The following NRXN3 variants were observed in gnomAD, a reference collection of about 807,000 sequenced individuals.
The protein encoded by NRXN3 is neurexin III.
A neutral mutation model predicts 137.6 loss-of-function variants in NRXN3; 32 were observed. That is an observed-to-expected ratio of 0.23 (90% CI 0.18 to 0.31). NRXN3 has a LOEUF of 0.31. Ranked by LOEUF, NRXN3 falls within the 10% of genes least tolerant of loss-of-function variation. The probability of loss-of-function intolerance (pLI) is 1.00; values close to 1 mark genes in which losing one functional copy is unlikely to be tolerated. For missense variants in NRXN3, 1,574 were observed against 2,062.5 expected (o/e 0.76, Z 4.59); for synonymous variants, 798 against 784.5 (o/e 1.02, Z -0.29).
chr14:78,656,953 A>G (rs2097789224), intron 6 of NRXN3, among the ~76,000 whole-genome samples: 1 of 146,114 alleles, frequency 6.8e-6, no homozygotes, highest in Non-Finnish European at 1.5e-5. Context: ...AGGCTGAGGC[A>G]GGAGAACGGT....
At position 79,148,355 on chromosome 14, in the gene NRXN3, G is replaced by A. The variant is rs114965249; in HGVS notation, c.3262+160214G>A. Among the ~76,000 whole-genome samples, 547 of 152,238 alleles carry A rather than the reference G, an allele frequency of 3.6e-3. 2 individuals are homozygous for A. Among genetic ancestry groups the A allele is most frequent in the African/African-American group, 0.013 (534 of 41,550 alleles). On this transcript the variant is annotated intron_variant, in intron 15 of 20. Coordinates refer to ENST00000335750, the MANE Select transcript of NRXN3 (RefSeq NM_001330195.2). The stretch of plus-strand genomic sequence containing the variant: ...AGAAGCTGAGACAGCTAGAGCAAAG[G>A]CCTGAGGTGGGAAAGAACTTAGCTT...
At chr14:79,356,266 G>T (rs946610544) in intron 15 of NRXN3, among the ~76,000 whole-genome samples, 1 of 152,134 alleles carries the variant, frequency 6.6e-6, no homozygotes, top group Non-Finnish European at 1.5e-5. Flanking sequence ...TTCTCTTGCT[G>T]TCTTTTGTTT....
intron 6 of NRXN3, among the ~76,000 whole-genome samples, chr14:78,660,612 T>A (rs2097831284): frequency 6.6e-6 from 1 of 152,094 alleles, no homozygotes; most frequent in Non-Finnish European, 1.5e-5. Flanking sequence ...CTTGCCACCA[T>A]AGTGACCAAA....
intron 15 of NRXN3, among the ~76,000 whole-genome samples, chr14:79,298,622 A>C (rs925250089): frequency 2.0e-5 from 3 of 152,096 alleles, no homozygotes; most frequent in African/African-American, 7.2e-5. Flanking sequence ...ACGTAATCTC[A>C]TCAGAGACTA....
chr14:78,912,386 G>A (rs1339404691), intron 10 of NRXN3, among the ~76,000 whole-genome samples: 1 of 151,382 alleles, frequency 6.6e-6, no homozygotes, highest in Non-Finnish European at 1.5e-5. Flanking sequence ...GTTAGAAAAA[G>A]CTATCCCAGT....
intron 4 of NRXN3, among the ~76,000 whole-genome samples, chr14:78,508,842 T>C (rs887951137): frequency 1.3e-5 from 2 of 152,224 alleles, no homozygotes; most frequent in African/African-American, 4.8e-5. Flanking sequence ...TTTATGTATG[T>C]ATATTTTACC....
chr14:78,402,239 G>T (rs575194830), intron 4 of NRXN3, among the ~76,000 whole-genome samples: 1 of 152,194 alleles, frequency 6.6e-6, no homozygotes, highest in Non-Finnish European at 1.5e-5. Flanking sequence ...CACATGCAAC[G>T]ACCTTTTCAC....
chr14:79,265,374 G>A (rs2078309878), intron 15 of NRXN3, among the ~76,000 whole-genome samples: 2 of 151,202 alleles, frequency 1.3e-5, no homozygotes. Context: ...GCCACATATA[G>A]TAACCACCAC....
At chr14:79,513,609 A>T (rs74070257) in intron 16 of NRXN3, among the ~76,000 whole-genome samples, 4,162 of 152,360 alleles carry the variant, frequency 0.027, 195 homozygotes, top group African/African-American at 0.095. Flanking sequence ...TTCTGTAGCT[A>T]TATGGGCTTG....
chr14:79,049,837 G>A (rs1162243507), intron 15 of NRXN3, among the ~76,000 whole-genome samples: 2 of 151,810 alleles, frequency 1.3e-5, no homozygotes, highest in African/African-American at 4.8e-5. Flanking sequence ...TGTATAAATT[G>A]TACCACAATT....
At chr14:79,041,940 G>T (rs1235537824) in intron 15 of NRXN3, among the ~76,000 whole-genome samples, 1 of 152,078 alleles carries the variant, frequency 6.6e-6, no homozygotes, top group Non-Finnish European at 1.5e-5. Flanking sequence ...AATGTTAGAA[G>T]AATAGTGAAC....
intron 4 of NRXN3, among the ~76,000 whole-genome samples, chr14:78,608,403 C>T (rs1423691558): frequency 1.3e-5 from 2 of 152,206 alleles, no homozygotes; most frequent in Non-Finnish European, 2.9e-5. Flanking sequence ...GCCCAAACAT[C>T]ACTGTGTATT....
At chr14:78,934,045 C>G (rs573261351) in intron 10 of NRXN3, among the ~76,000 whole-genome samples, 80 of 150,182 alleles carry the variant, frequency 5.3e-4, no homozygotes, top group Non-Finnish European at 9.6e-4. Context: ...TGTAATAATC[C>G]TTTTATGCTA....
chr14:79,836,404 C>A (rs1022784947), intron 20 of NRXN3, among the ~76,000 whole-genome samples: 2 of 152,048 alleles, frequency 1.3e-5, no homozygotes, highest in African/African-American at 4.8e-5. Context: ...AAACCAAGAG[C>A]AGGAAATGTT....
intron 17 of NRXN3, among the ~76,000 whole-genome samples, chr14:79,665,549 A>T (rs2098553578): frequency 6.6e-6 from 1 of 152,120 alleles, no homozygotes; most frequent in Non-Finnish European, 1.5e-5. Flanking sequence ...AGCTGTTCAT[A>T]GGCTCATAGA....
rs942530907 is a variant in NRXN3 at position 78,391,373 on chromosome 14, T to A, written c.757+93513T>A. 7.9e-5 allele frequency among the ~76,000 whole-genome samples: 12 copies of A among 152,244 alleles called. No homozygotes were observed. The East Asian group carries it at 2.1e-3, about 27-fold the overall frequency. Reference sequence around the variant, plus strand: ...ATCTAAAAGTTCCTTCATGACCTTTTTTGTGGCAGGTGTGGCTATGTGCTC... The same window carrying A: ...ATCTAAAAGTTCCTTCATGACCTTTATTGTGGCAGGTGTGGCTATGTGCTC... On this transcript the variant is annotated intron_variant, in intron 4 of 20. Coordinates refer to ENST00000335750, the MANE Select transcript of NRXN3 (RefSeq NM_001330195.2).
chr14:79,217,533 G>A (rs1321710264), intron 15 of NRXN3, among the ~76,000 whole-genome samples: 2 of 152,020 alleles, frequency 1.3e-5, no homozygotes, highest in Admixed American at 1.3e-4. Context: ...TATCATAGAA[G>A]AAAAAATAAA....
chr14:78,722,622 A>G (rs1279317329), intron 8 of NRXN3, among the ~76,000 whole-genome samples: 2 of 152,140 alleles, frequency 1.3e-5, no homozygotes, highest in Admixed American at 6.5e-5. Flanking sequence ...TTGGTTCTTA[A>G]TATATACTGA....
At chr14:79,296,787 C>T (rs982751666) in intron 15 of NRXN3, among the ~76,000 whole-genome samples, 1 of 152,172 alleles carries the variant, frequency 6.6e-6, no homozygotes, top group African/African-American at 2.4e-5. Context: ...TTGTAAATCC[C>T]TGGCTTAAAA....
Sources: allele counts gnomAD v4.1 joint callset (sites outside exome capture counted in the v4.1 genomes callset), GRCh38; gene constraint gnomAD v4.1.1; transcripts MANE v1.5; gene names NCBI Gene and HGNC (gene_info 2026-07-23, HGNC 2026-07-21).